Variants in ITGBL1 observed in about 807,000 individuals in gnomAD.
ITGBL1 encodes integrin beta-like protein 1.
Under a neutral mutation model 68.5 loss-of-function variants are expected in ITGBL1, and 51 were observed. The ratio of observed to expected loss-of-function variants is 0.74; its 90% CI spans 0.59 to 0.94. ITGBL1 has a LOEUF of 0.94. ITGBL1 is among the 40% of genes least tolerant of loss of function. The probability of loss-of-function intolerance (pLI) is 0.00; values close to 1 mark genes in which losing one functional copy is unlikely to be tolerated. For missense variants in ITGBL1, 649 were observed against 647.4 expected, an observed-to-expected ratio of 1.00 and a Z score of -0.03; for synonymous variants, 209 against 227.3, an observed-to-expected ratio of 0.92 and a Z score of 0.72.
At chr13:101,571,428 T>C (rs1342985694) in intron 3 of ITGBL1, among the ~76,000 whole-genome samples, 1 of 152,178 alleles carries the variant, frequency 6.6e-6, no homozygotes, top group Non-Finnish European at 1.5e-5. Flanking sequence ...GTTATGGTAC[T>C]CATTTGAAAT....
intron 7 of ITGBL1, among the ~76,000 whole-genome samples, chr13:101,634,540 A>T (rs1325729173): frequency 1.3e-5 from 2 of 152,138 alleles, no homozygotes; most frequent in Admixed American, 6.6e-5. Flanking sequence ...TTCAATAAAG[A>T]TGTTATATAA....
chr13:101,637,586 A>G (rs753578444), intron 7 of ITGBL1, among the ~76,000 whole-genome samples: 4 of 151,912 alleles, frequency 2.6e-5, no homozygotes, highest in Non-Finnish European at 4.4e-5. Flanking sequence ...CTCCTGATTC[A>G]CCCGCCTTGG....
chr13:101,512,840 A>G (rs1339910793), intron 2 of ITGBL1, among the ~76,000 whole-genome samples: 4 of 152,256 alleles, frequency 2.6e-5, no homozygotes, highest in East Asian at 3.9e-4. Flanking sequence ...TTCAGAATAT[A>G]TTATAACAGA....
chr13:101,505,894 C>T (rs1001117686), intron 2 of ITGBL1, among the ~76,000 whole-genome samples: 5 of 152,190 alleles, frequency 3.3e-5, no homozygotes, highest in Admixed American at 6.5e-5. Flanking sequence ...AGAGAAGAAG[C>T]GGAGCTTGCT....
chr13:101,599,377 T>G (rs1797912416), intron 7 of ITGBL1, among the ~76,000 whole-genome samples: 1 of 151,542 alleles, frequency 6.6e-6, no homozygotes, highest in African/African-American at 2.4e-5. Flanking sequence ...TTTCTCCCAT[T>G]CTGTAGGTTG....
intron 2 of ITGBL1, among the ~76,000 whole-genome samples, chr13:101,517,230 G>A (rs1421414440): frequency 1.3e-5 from 2 of 152,034 alleles, no homozygotes; most frequent in African/African-American, 2.4e-5. Flanking sequence ...GCGAGCGAGA[G>A]GACCTGCATC....
chr13:101,522,261 C>A (rs1208129999), intron 2 of ITGBL1, among the ~76,000 whole-genome samples: 2 of 152,020 alleles, frequency 1.3e-5, no homozygotes, highest in Non-Finnish European at 2.9e-5. Context: ...AGTATATGAA[C>A]TAAAGATGTA....
intron 7 of ITGBL1, among the ~76,000 whole-genome samples, chr13:101,669,559 A>C (rs933195103): frequency 2.0e-5 from 3 of 152,212 alleles, no homozygotes; most frequent in Non-Finnish European, 2.9e-5. Context: ...GAACATTACT[A>C]TACTGATACA....
chr13:101,490,011 T>G lies in ITGBL1; in HGVS notation c.316+35911T>G, dbSNP rs1197216330. 8.3e-5 allele frequency: 118 copies of G among 1,423,214 alleles called. 1 individual carries two copies. Among genetic ancestry groups the G allele is most frequent in the South Asian group, 1.5e-4 (12 of 81,512 alleles). The allele number at this position is 1,423,214 out of a possible 1,614,324, so 88.2% of individuals were successfully genotyped here. ...GAGCATTTAATAAAGGTAAGTAGTA[T>G]TTTTCATTAAATTTTATTAGCATTT... is the stretch of plus-strand genomic sequence containing the variant. On this transcript the variant is annotated intron_variant, in intron 2 of 10. Transcript: ENST00000376180.
chr13:101,517,073 C>T (rs1368607569), intron 2 of ITGBL1, among the ~76,000 whole-genome samples: 4 of 152,140 alleles, frequency 2.6e-5, no homozygotes, highest in African/African-American at 9.7e-5. Context: ...TGTGGCTTTT[C>T]TCTTCACTGA....
chr13:101,602,577 T>C (rs2030449827), intron 7 of ITGBL1, among the ~76,000 whole-genome samples: 1 of 152,010 alleles, frequency 6.6e-6, no homozygotes, highest in African/African-American at 2.4e-5. Context: ...AAAATATATG[T>C]TAATAGAGAT....
intron 7 of ITGBL1, among the ~76,000 whole-genome samples, chr13:101,619,485 T>C (rs2031498751): frequency 6.6e-6 from 1 of 152,142 alleles, no homozygotes; most frequent in African/African-American, 2.4e-5. Context: ...CTCTAAAAGC[T>C]TGAAAAGGCC....
Position 101,523,649 on chromosome 13 carries a change from A to G in ITGBL1, c.317-44050A>G, listed in dbSNP as rs895954092. Among the ~76,000 whole-genome samples, 3 of 152,168 alleles carry G rather than the reference A, an allele frequency of 2.0e-5. No homozygotes were observed. The South Asian group carries it at 6.2e-4, about 32-fold the overall frequency. On this transcript the variant is annotated intron_variant, in intron 2 of 10. Transcript: ENST00000376180. ...TGTTGCTTATTCACTAGAGGAGTTT[A>G]TGTTGTTCACATTTAAGATGATTTA... is the stretch of plus-strand genomic sequence containing the variant.
intron 6 of ITGBL1, among the ~76,000 whole-genome samples, chr13:101,588,878 A>G (rs1212699984): frequency 6.6e-6 from 1 of 152,162 alleles, no homozygotes; most frequent in Non-Finnish European, 1.5e-5. Flanking sequence ...AAACTGGTAA[A>G]TTCACAAGAA....
chr13:101,653,708 G>A (rs2032827261), intron 7 of ITGBL1, among the ~76,000 whole-genome samples: 1 of 145,862 alleles, frequency 6.9e-6, no homozygotes, highest in Non-Finnish European at 1.5e-5. Flanking sequence ...CTTTTTTTTT[G>A]AGACAGAGTC....
At position 101,512,817 on chromosome 13, in the gene ITGBL1, T is replaced by C. The variant is rs552525974; in HGVS notation, c.317-54882T>C. 3.9e-5 allele frequency among the ~76,000 whole-genome samples: 6 copies of C among 152,304 alleles called. No individual in the cohort carries two copies. The South Asian group carries it at 1.0e-3, about 26-fold the overall frequency. On this transcript the variant is annotated intron_variant, in intron 2 of 10. Coordinates refer to ENST00000376180, the MANE Select transcript of ITGBL1 (RefSeq NM_004791.3). ...CAGGTCCTGCATCTGTGCCTCATTC[T>C]TTGAAGCTGGGATTCAGAATATATT...
intron 2 of ITGBL1, among the ~76,000 whole-genome samples, chr13:101,524,554 C>T (rs904175030): frequency 6.6e-6 from 1 of 150,666 alleles, no homozygotes; most frequent in Non-Finnish European, 1.5e-5. Flanking sequence ...TGTAATTTTG[C>T]ATTTGTTTGT....
chr13:101,660,617 C>A (rs918364653), intron 7 of ITGBL1, among the ~76,000 whole-genome samples: 7 of 152,076 alleles, frequency 4.6e-5, no homozygotes, highest in Non-Finnish European at 7.4e-5. Context: ...ATTAGTTTTA[C>A]AAGGGCAGTT....
intron 7 of ITGBL1, among the ~76,000 whole-genome samples, chr13:101,653,766 G>T (rs1343732663): frequency 6.6e-6 from 1 of 151,672 alleles, no homozygotes; most frequent in Non-Finnish European, 1.5e-5. Context: ...TCGGCTCACT[G>T]CAACCTCTGC....
Sources: allele counts gnomAD v4.1 joint callset (sites outside exome capture counted in the v4.1 genomes callset), GRCh38; gene constraint gnomAD v4.1.1; transcripts MANE v1.5; gene names NCBI Gene and HGNC (gene_info 2026-07-23, HGNC 2026-07-21).